UNC13C: variants seen among roughly 807,000 people sequenced by gnomAD.
The protein encoded by UNC13C is protein unc-13 homolog C.
Under a neutral mutation model 245.4 loss-of-function variants are expected in UNC13C, and 174 were observed. The observed-to-expected ratio is 0.71, with a 90% CI of 0.63 to 0.80. The LOEUF is 0.80. UNC13C is among the 30% of genes least tolerant of loss of function. The pLI, the probability that UNC13C is intolerant of heterozygous loss-of-function variation, is 0.00. For missense variants in UNC13C, 2,829 were observed against 2,602.9 expected, an observed-to-expected ratio of 1.09 and a Z score of -1.89; for synonymous variants, 992 against 895.1, an observed-to-expected ratio of 1.11 and a Z score of -1.93.
At chr15:53,943,573 T>C in the UNC13C span, among the ~76,000 whole-genome samples, 1 of 152,176 alleles carries the variant, frequency 6.6e-6, no homozygotes, top group Non-Finnish European at 1.5e-5. Flanking sequence ...TGTCTCTATT[T>C]TTAACTGTTT....
At chr15:54,330,793 C>T (rs1479699923) in intron 14 of UNC13C, among the ~76,000 whole-genome samples, 1 of 151,984 alleles carries the variant, frequency 6.6e-6, no homozygotes, top group Non-Finnish European at 1.5e-5. Flanking sequence ...AGATCTAAGA[C>T]GTTCAACTCA....
the UNC13C span, among the ~76,000 whole-genome samples, chr15:53,969,644 C>T: frequency 2.1e-5 from 3 of 143,490 alleles, no homozygotes; most frequent in Non-Finnish European, 3.0e-5. Flanking sequence ...CATGATTGTG[C>T]TATTGCACTC....
the UNC13C span, among the ~76,000 whole-genome samples, chr15:53,960,092 C>T: frequency 6.6e-6 from 1 of 152,130 alleles, no homozygotes; most frequent in Non-Finnish European, 1.5e-5. Context: ...GATATGCTAC[C>T]TCCAAGTAGT....
intron 7 of UNC13C, among the ~76,000 whole-genome samples, chr15:54,243,726 A>C (rs1445270380): frequency 6.6e-6 from 1 of 152,220 alleles, no homozygotes; most frequent in Non-Finnish European, 1.5e-5. Flanking sequence ...TCTAATGATC[A>C]GTGATGTTGA....
At chr15:54,068,502 T>C (rs1462538317) in intron 2 of UNC13C, among the ~76,000 whole-genome samples, 1 of 152,216 alleles carries the variant, frequency 6.6e-6, no homozygotes, top group Non-Finnish European at 1.5e-5. Flanking sequence ...ATGGCTACTG[T>C]AACTGTACAA....
chr15:54,590,405 C>G (rs1396219219), intron 30 of UNC13C, among the ~76,000 whole-genome samples: 1 of 152,166 alleles, frequency 6.6e-6, no homozygotes, highest in East Asian at 1.9e-4. Flanking sequence ...AAAATTGATT[C>G]TAACATCCAG....
intron 2 of UNC13C, among the ~76,000 whole-genome samples, chr15:54,081,641 G>C (rs944622890): frequency 6.6e-6 from 1 of 151,594 alleles, no homozygotes; most frequent in African/African-American, 2.4e-5. Context: ...ATTTGCATGA[G>C]AGATCTTTCT....
chr15:54,200,313 T>C (rs1351538789), intron 4 of UNC13C, among the ~76,000 whole-genome samples: 1 of 152,036 alleles, frequency 6.6e-6, no homozygotes, highest in Non-Finnish European at 1.5e-5. Flanking sequence ...ACTTAAACTA[T>C]ACCCTACAAC....
intron 19 of UNC13C, among the ~76,000 whole-genome samples, chr15:54,490,299 T>C (rs554190262): frequency 2.6e-5 from 4 of 152,198 alleles, no homozygotes; most frequent in Non-Finnish European, 5.9e-5. Context: ...CTTTCCTATC[T>C]CCTTTCCCAT....
At chr15:53,973,751 C>T (rs923895711), upstream of UNC13C, among the ~76,000 whole-genome samples, 2 of 152,036 alleles carry the variant, frequency 1.3e-5, no homozygotes, top group African/African-American at 2.4e-5. Flanking sequence ...AAAAAATGAA[C>T]AACAGAATGA....
intron 30 of UNC13C, among the ~76,000 whole-genome samples, chr15:54,612,578 A>G (rs1051885365): frequency 6.6e-5 from 10 of 152,026 alleles, no homozygotes; most frequent in South Asian, 2.1e-4. Context: ...CCCAATAGTA[A>G]AAACTCCTCC....
chr15:54,132,162 G>A (rs368312432), intron 2 of UNC13C, among the ~76,000 whole-genome samples: 1 of 148,228 alleles, frequency 6.7e-6, no homozygotes, highest in Admixed American at 6.9e-5. Flanking sequence ...CGCCTCCCAG[G>A]TTTACTTATG....
rs1229342518 is a variant in UNC13C, at chr15:54,622,387, C to T, written c.6167C>T (p.Pro2056Leu). 19 of 1,613,244 alleles carry T rather than the reference C, an allele frequency of 1.2e-5. No individual in the cohort carries two copies. Among genetic ancestry groups the T allele is most frequent in the East Asian group, 2.2e-5 (1 of 44,854 alleles). ...GTTCATGTGGACATCACTGCCACCC[C>T]AGGAACGGGAGATCATAAAGTCACT... ...ISVHVDITAT[P>L]GTGDHKVTVK... is the part of the protein sequence containing the mutation. Residue 2056 changes from proline (P) to leucine (L), a missense_variant, in exon 31 of 33, where the codon CCA becomes CTA. Physicochemically the swap from Pro to Leu is moderately conservative, Grantham distance 98. Coordinates refer to ENST00000260323, the MANE Select transcript of UNC13C (RefSeq NM_001080534.3).
intron 1 of UNC13C, among the ~76,000 whole-genome samples, chr15:53,992,064 C>A (rs1374270801): frequency 2.0e-5 from 3 of 152,004 alleles, no homozygotes; most frequent in Non-Finnish European, 2.9e-5. Context: ...TTTCTTAGTG[C>A]AGACCATGAA....
At chr15:54,408,100 C>G (rs1043753121) in intron 18 of UNC13C, among the ~76,000 whole-genome samples, 1 of 145,878 alleles carries the variant, frequency 6.9e-6, no homozygotes, top group Non-Finnish European at 1.5e-5. Context: ...ACTCGGGAGG[C>G]TGAGGCAGGA....
At chr15:54,405,429 C>A (rs1011229449) in intron 18 of UNC13C, among the ~76,000 whole-genome samples, 2 of 151,974 alleles carry the variant, frequency 1.3e-5, no homozygotes, top group Non-Finnish European at 2.9e-5. Context: ...TTAGGTAGCC[C>A]CCACCAAAAG....
chr15:54,467,240 A>G (rs1892224784), intron 19 of UNC13C, among the ~76,000 whole-genome samples: 1 of 151,856 alleles, frequency 6.6e-6, no homozygotes, highest in South Asian at 2.1e-4. Flanking sequence ...ATTTTTCAGT[A>G]AATGATGGAG....
intron 4 of UNC13C, among the ~76,000 whole-genome samples, chr15:54,150,573 C>G (rs995002112): frequency 2.0e-5 from 3 of 152,222 alleles, no homozygotes; most frequent in African/African-American, 7.2e-5. Context: ...GTTGCTGAGC[C>G]ATTAGCTTCC....
At chr15:53,841,098 C>T in the UNC13C span, among the ~76,000 whole-genome samples, 2 of 152,042 alleles carry the variant, frequency 1.3e-5, no homozygotes, top group African/African-American at 4.8e-5. Flanking sequence ...CCTTTTTGAC[C>T]ACCTACTGTG....
Sources: allele counts gnomAD v4.1 joint callset (sites outside exome capture counted in the v4.1 genomes callset), GRCh38; gene constraint gnomAD v4.1.1; transcripts MANE v1.5; gene names NCBI Gene and HGNC (gene_info 2026-07-23, HGNC 2026-07-21).